The following TENM2 variants were observed in gnomAD, a reference collection of about 807,000 sequenced individuals.
TENM2 encodes the protein teneurin transmembrane protein 2.
A neutral mutation model predicts 245.2 loss-of-function variants in TENM2; 52 were observed. The ratio of observed to expected loss-of-function variants is 0.21; its 90% CI spans 0.17 to 0.27. The LOEUF is 0.27. TENM2 is among the 10% of genes least tolerant of loss of function. The pLI is 1.00. For synonymous variants in TENM2, 1,363 were observed against 1,438.9 expected, an observed-to-expected ratio of 0.95 and a Z score of 1.19; for missense variants, 3,046 against 3,666.8, an observed-to-expected ratio of 0.83 and a Z score of 4.37.
At chr5:167,828,631 C>A (rs1304528460) in intron 2 of TENM2, among the ~76,000 whole-genome samples, 2 of 152,086 alleles carry the variant, frequency 1.3e-5, no homozygotes, top group Non-Finnish European at 2.9e-5. Flanking sequence ...TATTCTTAAT[C>A]TATTTACCTA....
At chr5:167,005,912 G>C in the TENM2 span, among the ~76,000 whole-genome samples, 3 of 151,650 alleles carry the variant, frequency 2.0e-5, no homozygotes, top group African/African-American at 7.3e-5. Flanking sequence ...AGCCCGCCTC[G>C]GCCTCCTATA....
intron 1 of TENM2, among the ~76,000 whole-genome samples, chr5:167,349,830 T>A (rs1224429643): frequency 2.6e-5 from 4 of 152,184 alleles, no homozygotes; most frequent in East Asian, 1.9e-4. Flanking sequence ...TCTTTTCTTA[T>A]ATACATGAAG....
intron 2 of TENM2, among the ~76,000 whole-genome samples, chr5:167,875,525 T>C (rs1773345886): frequency 6.6e-6 from 1 of 152,198 alleles, no homozygotes; most frequent in Admixed American, 6.5e-5. Flanking sequence ...TGGAGTGTGC[T>C]AAGCGGGCGA....
At chr5:168,017,995 G>A (rs184698840) in intron 5 of TENM2, among the ~76,000 whole-genome samples, 6 of 152,056 alleles carry the variant, frequency 3.9e-5, no homozygotes, top group East Asian at 1.9e-4. Flanking sequence ...CGTACTTTCC[G>A]GCCTCTGCAC....
chr5:167,914,287 A>C (rs753219121), intron 3 of TENM2, among the ~76,000 whole-genome samples: 2 of 152,224 alleles, frequency 1.3e-5, no homozygotes, highest in Non-Finnish European at 1.5e-5. Flanking sequence ...TTTGTGCTAA[A>C]ATCAAGGAGT....
intron 2 of TENM2, among the ~76,000 whole-genome samples, chr5:167,577,711 CT>C (rs1421054703): frequency 1.3e-5 from 2 of 151,786 alleles, no homozygotes; most frequent in African/African-American, 4.8e-5. Flanking sequence ...GCCTCTTGTT[CT>C]CTTTTTTTAA....
intron 5 of TENM2, among the ~76,000 whole-genome samples, chr5:168,020,052 C>T (rs1336153707): frequency 1.3e-5 from 2 of 152,196 alleles, no homozygotes; most frequent in African/African-American, 4.8e-5. Context: ...AGGATCCACA[C>T]TGGGCTTCAG....
Position 168,247,290 on chromosome 5 carries a change from C to T in TENM2, c.6351C>T (p.Tyr2117=). The T allele has an allele frequency of 1.9e-6, 3 of 1,613,982 alleles. No individual in the cohort carries two copies. Among genetic ancestry groups the T allele is most frequent in the Non-Finnish European group, 2.5e-6 (3 of 1,179,892 alleles). Reference sequence around the variant, plus strand: ...AGACTCCCCTCCCCGTTGACCTCTACCGCTATGATGAGATTTCTGGCAAGG... The same window carrying T: ...AGACTCCCCTCCCCGTTGACCTCTATCGCTATGATGAGATTTCTGGCAAGG... Residue 2117 remains tyrosine (Y), a synonymous_variant, in exon 27 of 29, where the codon TAC becomes TAT. Transcript: ENST00000518659. This position sits in a 1 kb window ranked among gnomAD's most constrained non-coding sequence, Gnocchi z 7.8.
intron 1 of TENM2, among the ~76,000 whole-genome samples, chr5:167,351,858 A>C (rs554576363): frequency 0.015 from 2,334 of 152,234 alleles, 70 homozygotes; most frequent in African/African-American, 0.054. Flanking sequence ...AAAAACAAAA[A>C]AAAAAATAAA....
intron 14 of TENM2, among the ~76,000 whole-genome samples, 152 bp from the exon 17 acceptor site, chr5:168,195,024 G>C (rs1319770285): frequency 6.6e-6 from 1 of 152,196 alleles, no homozygotes. Context: ...ACCCCAAAAT[G>C]TCACTAGCGT....
At chr5:168,039,212 A>T (rs898745691) in intron 5 of TENM2, among the ~76,000 whole-genome samples, 3 of 152,110 alleles carry the variant, frequency 2.0e-5, no homozygotes, top group African/African-American at 7.2e-5. Context: ...GCTTCCTAGG[A>T]TTCTGGTGGC....
chr5:167,884,381 A>G (rs371881585), intron 3 of TENM2, among the ~76,000 whole-genome samples: 45 of 152,304 alleles, frequency 3.0e-4, no homozygotes, highest in African/African-American at 9.9e-4. Context: ...TCCTCAACAG[A>G]AACTCTATAC....
intron 1 of TENM2, among the ~76,000 whole-genome samples, chr5:167,321,957 T>A (rs908779829): frequency 1.3e-5 from 2 of 151,772 alleles, no homozygotes; most frequent in Admixed American, 1.3e-4. Context: ...GCCTCCCTAG[T>A]AGCTGGGACT....
chr5:168,251,472 G>C (rs192278229), intron 27 of TENM2, among the ~76,000 whole-genome samples: 1 of 152,170 alleles, frequency 6.6e-6, no homozygotes, highest in Admixed American at 6.5e-5. Flanking sequence ...GAGAAGCGGC[G>C]TGCACAGGGT....
intron 2 of TENM2, among the ~76,000 whole-genome samples, chr5:167,695,726 TAA>T (rs869300441): frequency 1.4e-5 from 2 of 141,504 alleles, no homozygotes; most frequent in African/African-American, 2.6e-5. Context: ...AATGGTGATT[TAA>T]AAAAAAAAAA....
chr5:167,961,714 A>T (rs1781024910), intron 4 of TENM2, among the ~76,000 whole-genome samples: 1 of 152,250 alleles, frequency 6.6e-6, no homozygotes, highest in African/African-American at 2.4e-5. Flanking sequence ...GGCCATTTAA[A>T]GATGCAGAAT....
chr5:168,152,255 C>G (rs538069344), intron 12 of TENM2, among the ~76,000 whole-genome samples: 18 of 152,304 alleles, frequency 1.2e-4, no homozygotes, highest in African/African-American at 4.3e-4. Flanking sequence ...CTATAAAAAG[C>G]TTTCTAAAAT....
chr5:167,391,045 T>G (rs1761723016), intron 2 of TENM2, among the ~76,000 whole-genome samples: 1 of 152,182 alleles, frequency 6.6e-6, no homozygotes. Flanking sequence ...TCTTTTTGGC[T>G]GCAGTGGTAT....
At chr5:168,187,045 G>A (rs1442782454) in intron 13 of TENM2, 1 of 152,228 alleles carries the variant, frequency 6.6e-6, no homozygotes. Flanking sequence ...CATAACGTAG[G>A]CTCCTACTTA....
Sources: allele counts gnomAD v4.1 joint callset (sites outside exome capture counted in the v4.1 genomes callset), GRCh38; gene constraint gnomAD v4.1.1; non-coding constraint Gnocchi (gnomAD v3.1); transcripts MANE v1.5; gene names NCBI Gene and HGNC (gene_info 2026-07-23, HGNC 2026-07-21).